Variants in UGT2A3 observed in about 807,000 individuals in gnomAD.
UGT2A3 encodes UDP glucuronosyltransferase family 2 member A3, also known as UDP-glucuronosyltransferase 2A3.
Under a neutral mutation model 44.1 loss-of-function variants are expected in UGT2A3, and 55 were observed. The ratio of observed to expected loss-of-function variants is 1.25; its 90% CI spans 1.00 to 1.56. The LOEUF is 1.56. Among genes scored for constraint, UGT2A3 ranks in the 40% most tolerant of loss-of-function variants. The pLI is 0.00. For missense variants in UGT2A3, 733 were observed against 621.6 expected, an observed-to-expected ratio of 1.18 and a Z score of -1.91; for synonymous variants, 243 against 215.1, an observed-to-expected ratio of 1.13 and a Z score of -1.13.
intron 2 of UGT2A3, chr4:68,943,395 T>C: frequency 9.5e-7 from 1 of 1,052,236 alleles, no homozygotes; most frequent in Non-Finnish European, 1.2e-6. Flanking sequence ...AGTAAAGTGA[T>C]ATTAATAATT....
chr4:68,935,286 A>G (rs1349267063), intron 2 of UGT2A3, among the ~76,000 whole-genome samples: 985 of 76,142 alleles, frequency 0.013, 38 homozygotes, highest in Non-Finnish European at 0.016. Flanking sequence ...GTATATATAT[A>G]TATATATATA....
intron 2 of UGT2A3, among the ~76,000 whole-genome samples, chr4:68,937,262 A>C (rs1717988142): frequency 6.6e-6 from 1 of 152,276 alleles, no homozygotes; most frequent in South Asian, 2.1e-4. Context: ...CAGCATATAC[A>C]TTCTTCTCAG....
chr4:68,950,976 A>G, intron 1 of UGT2A3, 70 bp downstream of exon 1: 1 of 1,113,072 alleles, frequency 9.0e-7, no homozygotes, highest in Non-Finnish European at 1.3e-6. Flanking sequence ...TATGTCATAG[A>G]CAATGTATGA....
intron 2 of UGT2A3, among the ~76,000 whole-genome samples, chr4:68,937,042 G>A (rs1717979957): frequency 6.6e-6 from 1 of 152,182 alleles, no homozygotes; most frequent in Non-Finnish European, 1.5e-5. Context: ...AAATATATAT[G>A]CACCCAATAC....
intron 2 of UGT2A3, among the ~76,000 whole-genome samples, chr4:68,933,327 C>T (rs114383934): frequency 1.4e-4 from 21 of 152,136 alleles, no homozygotes; most frequent in Non-Finnish European, 2.6e-4. Flanking sequence ...GCATCAGTCA[C>T]AGAAAACTTC....
In UGT2A3 at chr4:68,931,155, C is replaced by G; in HGVS notation, c.1084G>C (p.Gly362Arg). The change falls in exon 4 of 6, where the codon GGT (glycine) becomes CGT (arginine). Residue 362 changes from glycine to arginine, a missense_variant and splice_region_variant. Physicochemically the swap from Gly to Arg is moderately radical, Grantham distance 125. Transcript: ENST00000251566. ...TATTTTTACTTTCTCATAGACCTAC[C>G]AAGAAGATCATTCTGGGGTATCCAA... Reference protein sequence around the residue: ...YDWIPQNDLLGHPKTKAFITH... With the variant: ...YDWIPQNDLLRHPKTKAFITH... 1.2e-6 allele frequency: 2 copies of G among 1,610,820 alleles called. No homozygotes were observed. The highest frequency in any genetic ancestry group is 1.7e-6 in the Non-Finnish European group (2 of 1,178,302).
At chr4:68,935,827 C>G (rs1052804863) in intron 2 of UGT2A3, among the ~76,000 whole-genome samples, 1 of 151,972 alleles carries the variant, frequency 6.6e-6, no homozygotes, top group African/African-American at 2.4e-5. Flanking sequence ...AAAGGTTAGA[C>G]AAATGGCTAA....
chr4:68,932,563 C>A, intron 3 of UGT2A3, 65 bp downstream of exon 3: 1 of 1,524,044 alleles, frequency 6.6e-7, no homozygotes. Context: ...GATTCAAGAC[C>A]CAAATAAAAC....
At chr4:68,945,499 A>G in intron 1 of UGT2A3, 45 bp from the exon 2 acceptor site, 3 of 1,490,022 alleles carry the variant, frequency 2.0e-6, no homozygotes, top group Non-Finnish European at 2.7e-6. Context: ...CAATTCAAAT[A>G]AAAAATTGTA....
rs771394781 is a variant in UGT2A3, at chr4:68,951,709, C to T, written c.52G>A (p.Val18Ile). Residue 18 changes from valine (V) to isoleucine (I), a missense_variant, in exon 1 of 6, where the codon GTT becomes ATT. Physicochemically the swap from Val to Ile is conservative, Grantham distance 29 (BLOSUM62 3). Transcript: ENST00000251566. ...LVFLLLQLFC[V>I]GCGFCGKVLV... ...ACTTTCCCACAGAATCCACAGCCAA[C>T]ACAGAAGAGCTGCAGGAGCAGAAAT... 3.4e-5 allele frequency: 54 copies of T among 1,608,588 alleles called. No individual in the cohort carries two copies. Among genetic ancestry groups the T allele is most frequent in the Non-Finnish European group, 4.4e-5 (52 of 1,177,830 alleles).
At chr4:68,938,273 A>G (rs749689902) in intron 2 of UGT2A3, among the ~76,000 whole-genome samples, 9 of 152,228 alleles carry the variant, frequency 5.9e-5, no homozygotes, top group Admixed American at 3.3e-4. Context: ...TTTTAGACCA[A>G]TATCTCTGAG....
intron 2 of UGT2A3, among the ~76,000 whole-genome samples, chr4:68,941,687 A>T (rs1672117239): frequency 6.6e-6 from 1 of 151,940 alleles, no homozygotes. Flanking sequence ...AGCAAACAAC[A>T]GGGTGAAGAG....
rs747027492 is a variant in UGT2A3, at chr4:68,930,541, C to G, written c.1304+5G>C. 5.6e-6 allele frequency: 9 copies of G among 1,602,680 alleles called. No individual in the cohort carries two copies. The highest frequency in any genetic ancestry group is 7.7e-6 in the Non-Finnish European group (9 of 1,174,062). On this transcript the variant is annotated splice_donor_5th_base_variant and intron_variant, in intron 5 of 5. Transcript: ENST00000251566. Reference sequence around the variant, plus strand: ...AGATCAGTCTGTACAAGCAGTAGTACTTACGAGGAATCGGTAATGACTGTT... The same window carrying G: ...AGATCAGTCTGTACAAGCAGTAGTAGTTACGAGGAATCGGTAATGACTGTT...
chr4:68,950,928 T>C (rs921928389), intron 1 of UGT2A3, 118 bp downstream of exon 1: 1 of 682,696 alleles, frequency 1.5e-6, no homozygotes, highest in African/African-American at 1.8e-5. Context: ...GAAAAACAGC[T>C]ACAACATTTT....
intron 2 of UGT2A3, among the ~76,000 whole-genome samples, chr4:68,935,276 G>GTGTA (rs1474937828): frequency 6.0e-4 from 36 of 60,132 alleles, no homozygotes; most frequent in East Asian, 4.7e-3. Flanking sequence ...ATGTATGTAT[G>GTGTA]TATATATATA....
At position 68,948,439 on chromosome 4, in the gene UGT2A3, CTTTTTTTTT is replaced by C. The variant is rs60082800; in HGVS notation, c.715+2598_715+2606del. Reference sequence around the variant, plus strand: ...TAATTTTTTTTCTTTTCTTTTTTTTCTTTTTTTTTTTTTTTTTTTTGGTAGTGGTTTTGC... The same window carrying C: ...TAATTTTTTTTCTTTTCTTTTTTTTCTTTTTTTTTTTGGTAGTGGTTTTGC... On this transcript the variant is annotated intron_variant, in intron 1 of 5. Coordinates refer to ENST00000251566, the MANE Select transcript of UGT2A3 (RefSeq NM_024743.4). Among the ~76,000 whole-genome samples the C allele has an allele frequency of 2.7e-4, 30 of 110,160 alleles. No individual in the cohort carries two copies. In the East Asian group the frequency reaches 7.6e-3, roughly 28 times the overall value. 72.3% of individuals were successfully genotyped at this position (110,160 alleles called of 152,430 possible). A position where few individuals can be genotyped will look rare whatever the true frequency, so the allele number is the denominator to read the frequency against.
chr4:68,931,816 T>C (rs1191333542), intron 3 of UGT2A3, among the ~76,000 whole-genome samples: 1 of 151,762 alleles, frequency 6.6e-6, no homozygotes, highest in Non-Finnish European at 1.5e-5. Context: ...AGATTGTACC[T>C]TTTTTTTACA....
intron 2 of UGT2A3, among the ~76,000 whole-genome samples, chr4:68,936,888 C>CAAAAAAAAAAAAAAAA (rs56737078): frequency 2.2e-5 from 1 of 46,334 alleles, no homozygotes; most frequent in Non-Finnish European, 3.7e-5. Context: ...AAATGGAAAG[C>CAAAAAAAAAAAAAAAA]AAAAAAAAAA....
intron 1 of UGT2A3, among the ~76,000 whole-genome samples, chr4:68,946,117 AG>A (rs948140642): frequency 2.0e-5 from 3 of 151,630 alleles, no homozygotes; most frequent in Non-Finnish European, 4.4e-5. Flanking sequence ...CACTTACTTT[AG>A]TGTTTCTCTC....
Sources: allele counts gnomAD v4.1 joint callset (sites outside exome capture counted in the v4.1 genomes callset), GRCh38; gene constraint gnomAD v4.1.1; transcripts MANE v1.5; gene names NCBI Gene and HGNC (gene_info 2026-07-23, HGNC 2026-07-21).